Variants in ABCG2 observed in about 807,000 individuals in gnomAD.
ABCG2 encodes the protein ATP binding cassette subfamily G member 2 (JR blood group).
ABCG2 carries 80 observed loss-of-function variants against 73.5 expected under a neutral mutation model. The observed-to-expected ratio is 1.09, with a 90% confidence interval of 0.91 to 1.31. ABCG2 has a LOEUF of 1.31. ABCG2 is among the 50% of genes most tolerant of loss of function. The pLI, the probability that ABCG2 is intolerant of heterozygous loss-of-function variation, is 0.00. For missense variants in ABCG2, 796 were observed against 786.2 expected, an observed-to-expected ratio of 1.01 and a Z score of -0.15; for synonymous variants, 269 against 282.4, an observed-to-expected ratio of 0.95 and a Z score of 0.48.
intron 14 of ABCG2, 100 bp downstream of exon 14, chr4:88,095,420 A>G (rs774475741): frequency 9.2e-7 from 1 of 1,081,088 alleles, no homozygotes; most frequent in Non-Finnish European, 1.4e-6. Context: ...TGGATGGGAG[A>G]CTTTCACAGC....
At chr4:88,160,334 T>G (rs967462563), upstream of ABCG2, among the ~76,000 whole-genome samples, 1 of 152,142 alleles carries the variant, frequency 6.6e-6, no homozygotes, top group Non-Finnish European at 1.5e-5. Flanking sequence ...TAAATTTTAT[T>G]TTAATTTTCT....
chr4:88,104,497 T>C (rs1440729662), intron 10 of ABCG2, among the ~76,000 whole-genome samples: 1 of 152,058 alleles, frequency 6.6e-6, no homozygotes, highest in Non-Finnish European at 1.5e-5. Context: ...AAAATGATAC[T>C]GGGGTCAACG....
At position 88,107,260 on chromosome 4, in the gene ABCG2, C is replaced by T; in HGVS notation, c.1201G>A (p.Val401Ile). The change falls in exon 10 of 16, where the codon GTC (valine) becomes ATC (isoleucine). Residue 401 changes from valine to isoleucine, a missense_variant. Transcript: ENST00000237612. Reference sequence around the variant, plus strand: ...ATAACCAGTCCCAGTACGACTGTGACAATGATCTTTTCAAAAAGAAAAATG... The same window carrying T: ...ATAACCAGTCCCAGTACGACTGTGATAATGATCTTTTCAAAAAGAAAAATG... Reference protein sequence around the residue: ...NPQASIAQIIVTVVLGLVIGA... With the variant: ...NPQASIAQIIITVVLGLVIGA... 1 of 1,594,226 alleles carries T rather than the reference C, an allele frequency of 6.3e-7. No individual in the cohort carries two copies. Among genetic ancestry groups the T allele is most frequent in the South Asian group, 1.2e-5 (1 of 86,144 alleles).
At chr4:88,199,056 C>T (rs993023508) in intron 1 of ABCG2, among the ~76,000 whole-genome samples, 6 of 152,024 alleles carry the variant, frequency 3.9e-5, no homozygotes, top group Admixed American at 1.3e-4. Flanking sequence ...GCAAGCTCTG[C>T]CTCCTGAATT....
chr4:88,096,312 T>C (rs563402535), intron 13 of ABCG2, among the ~76,000 whole-genome samples: 1 of 152,322 alleles, frequency 6.6e-6, no homozygotes, highest in South Asian at 2.1e-4. Flanking sequence ...TGCATAACAA[T>C]GATGATGTTG....
intron 1 of ABCG2, among the ~76,000 whole-genome samples, chr4:88,185,955 C>T (rs1363561320): frequency 6.6e-6 from 1 of 152,042 alleles, no homozygotes; most frequent in Non-Finnish European, 1.5e-5. Context: ...GGAGGTTTCT[C>T]AAAAAACTAA....
At chr4:88,093,336 C>G (rs556002839) in intron 15 of ABCG2, among the ~76,000 whole-genome samples, 37 of 152,046 alleles carry the variant, frequency 2.4e-4, no homozygotes, top group Admixed American at 2.4e-3. Context: ...AACTCCATCT[C>G]TACTAAAAAT....
At chr4:88,157,257 C>A (rs1359878511) in intron 1 of ABCG2, among the ~76,000 whole-genome samples, 1 of 152,068 alleles carries the variant, frequency 6.6e-6, no homozygotes, top group East Asian at 1.9e-4. Flanking sequence ...ATTAACTGAC[C>A]GGGTCTTCTT....
chr4:88,160,578 G>A (rs536384265), upstream of ABCG2, among the ~76,000 whole-genome samples: 389 of 152,188 alleles, frequency 2.6e-3, no homozygotes, highest in African/African-American at 9.0e-3. Flanking sequence ...GGCCAGGCAC[G>A]GTGGCTCACG....
At chr4:88,190,353 G>A (rs761177353) in intron 1 of ABCG2, among the ~76,000 whole-genome samples, 6 of 152,084 alleles carry the variant, frequency 3.9e-5, no homozygotes, top group African/African-American at 7.2e-5. Flanking sequence ...CCTAATCTCC[G>A]TTTGACCTCA....
chr4:88,144,707 T>A (rs976034805), intron 1 of ABCG2, among the ~76,000 whole-genome samples: 5 of 152,106 alleles, frequency 3.3e-5, no homozygotes, highest in Admixed American at 6.6e-5. Flanking sequence ...TCCGCCCACG[T>A]CGGCCTCCAA....
rs1265942342 is a variant in ABCG2 at position 88,131,174 on chromosome 4, A to C, written c.418T>G (p.Leu140Val). The change falls in exon 5 of 16, where the codon TTA becomes GTA. Residue 140 changes from leucine (L) to valine (V), a missense_variant. Leu to Val is a conservative substitution (Grantham distance 32). Transcript: ENST00000237612. ...AGCCGAAGAGCTGCTGAGAACTGTA[A>C]GTTTTCTCTCACCGTCAGAGTGCCC... Reference protein sequence around the residue: ...VMGTLTVRENLQFSAALRLAT... With the variant: ...VMGTLTVRENVQFSAALRLAT... 2 of 1,613,894 alleles carry C rather than the reference A, an allele frequency of 1.2e-6. No individual in the cohort carries two copies. Among genetic ancestry groups the C allele is most frequent in the African/African-American group, 2.7e-5 (2 of 74,906 alleles).
At chr4:88,110,881 C>T (rs1723092044) in intron 9 of ABCG2, among the ~76,000 whole-genome samples, 1 of 151,832 alleles carries the variant, frequency 6.6e-6, no homozygotes, top group Non-Finnish European at 1.5e-5. Context: ...CAAATCGAAA[C>T]AAAACTTGTC....
chr4:88,148,974 T>G (rs72554051), intron 1 of ABCG2, among the ~76,000 whole-genome samples: 104 of 152,290 alleles, frequency 6.8e-4, no homozygotes, highest in African/African-American at 2.1e-3. Context: ...CAAATGAACA[T>G]AAGACCCTAC....
intron 1 of ABCG2, among the ~76,000 whole-genome samples, chr4:88,182,004 C>G (rs1326499162): frequency 6.6e-6 from 1 of 151,604 alleles, no homozygotes; most frequent in African/African-American, 2.4e-5. Context: ...ATTAAAAAAA[C>G]AAAACTCAAT....
chr4:88,186,133 T>C (rs545460504), intron 1 of ABCG2, among the ~76,000 whole-genome samples: 2 of 152,238 alleles, frequency 1.3e-5, no homozygotes, highest in African/African-American at 2.4e-5. Context: ...AGCAGATGAA[T>C]GGATAAAGAA....
chr4:88,183,271 T>G (rs1461649805), intron 1 of ABCG2, among the ~76,000 whole-genome samples: 1 of 151,462 alleles, frequency 6.6e-6, no homozygotes, highest in Non-Finnish European at 1.5e-5. Flanking sequence ...ACAAAATCAA[T>G]GAAACTGAAA....
chr4:88,138,121 A>C (rs1725376366), intron 2 of ABCG2, among the ~76,000 whole-genome samples: 1 of 152,224 alleles, frequency 6.6e-6, no homozygotes, highest in Non-Finnish European at 1.5e-5. Context: ...ACTCCAGCTT[A>C]GGTGATGCAG....
intron 1 of ABCG2, among the ~76,000 whole-genome samples, chr4:88,205,144 G>T (rs1052119168): frequency 6.6e-6 from 1 of 152,172 alleles, no homozygotes; most frequent in African/African-American, 2.4e-5. Flanking sequence ...AATGTCTAAT[G>T]AATTCCTGTA....
Sources: gnomAD v4.1 joint callset for allele counts (sites outside exome capture counted in the v4.1 genomes callset) on GRCh38, gnomAD v4.1.1 for gene constraint, MANE v1.5 for transcripts, NCBI Gene and HGNC (gene_info 2026-07-23, HGNC 2026-07-21) for gene names.